DGKB: variants seen among roughly 807,000 people sequenced by gnomAD.
The protein encoded by DGKB is 90 kDa diacylglycerol kinase.
DGKB carries 67 observed loss-of-function variants against 114.3 expected under a neutral mutation model. The observed-to-expected ratio is 0.59, with a 90% confidence interval of 0.48 to 0.72. The LOEUF (loss-of-function observed/expected upper bound fraction) is 0.72. Ranked by LOEUF, DGKB falls within the 30% of genes least tolerant of loss-of-function variation. DGKB has a pLI of 0.00. For synonymous variants in DGKB, 398 were observed against 323.1 expected, an observed-to-expected ratio of 1.23 and a Z score of -2.49; for missense variants, 907 against 975.2, an observed-to-expected ratio of 0.93 and a Z score of 0.93.
At chr7:14,613,652 C>T (rs534050272) in intron 15 of DGKB, among the ~76,000 whole-genome samples, 33 of 151,392 alleles carry the variant, frequency 2.2e-4, no homozygotes, top group African/African-American at 8.0e-4. Flanking sequence ...AGATAGAGGG[C>T]CGAGGGGAAG....
intron 20 of DGKB, among the ~76,000 whole-genome samples, chr7:14,570,852 G>C (rs1286125592): frequency 6.6e-6 from 1 of 152,110 alleles, no homozygotes; most frequent in African/African-American, 2.4e-5. Context: ...AAGTTGACCA[G>C]TGCCGTTCAA....
chr7:14,168,766 TAAG>T (rs1780352648), intron 25 of DGKB, among the ~76,000 whole-genome samples: 2 of 152,340 alleles, frequency 1.3e-5, no homozygotes, highest in South Asian at 2.1e-4. Flanking sequence ...GGAATGCTGT[TAAG>T]AAGATATCAA....
At chr7:14,389,538 A>G (rs979227365) in intron 21 of DGKB, among the ~76,000 whole-genome samples, 2 of 152,182 alleles carry the variant, frequency 1.3e-5, no homozygotes, top group African/African-American at 2.4e-5. Flanking sequence ...GTCTTTCTCA[A>G]TAAGTATTTC....
intron 1 of DGKB, among the ~76,000 whole-genome samples, chr7:14,849,379 A>G (rs1248230650): frequency 6.6e-6 from 1 of 152,038 alleles, no homozygotes; most frequent in Admixed American, 6.6e-5. Flanking sequence ...TTTGAGGGGT[A>G]TTTAGGCCAG....
At chr7:14,197,577 G>A (rs534889532) in intron 23 of DGKB, among the ~76,000 whole-genome samples, 1 of 152,232 alleles carries the variant, frequency 6.6e-6, no homozygotes, top group South Asian at 2.1e-4. Context: ...TTTAAGATCA[G>A]TGGGGGTCAT....
chr7:14,792,889 A>G (rs1393578932), intron 2 of DGKB, among the ~76,000 whole-genome samples: 2 of 152,134 alleles, frequency 1.3e-5, no homozygotes, highest in African/African-American at 4.8e-5. Context: ...GCTACTTTTA[A>G]TTCATTGAAT....
At chr7:14,244,620 A>C (rs2128374270) in intron 23 of DGKB, among the ~76,000 whole-genome samples, 1 of 144,266 alleles carries the variant, frequency 6.9e-6, no homozygotes, top group East Asian at 2.3e-4. Flanking sequence ...CAGTGAGCTG[A>C]GATCACGCCA....
chr7:14,700,931 A>G (rs936865336), intron 7 of DGKB, among the ~76,000 whole-genome samples: 1 of 152,166 alleles, frequency 6.6e-6, no homozygotes, highest in Non-Finnish European at 1.5e-5. Flanking sequence ...AAAATATGTT[A>G]CCAAACATAA....
intron 13 of DGKB, among the ~76,000 whole-genome samples, chr7:14,648,462 CAGAA>C (rs1361975505): frequency 2.0e-5 from 3 of 152,068 alleles, no homozygotes; most frequent in Non-Finnish European, 4.4e-5. Flanking sequence ...AACTAACAAA[CAGAA>C]AGGACATCCA....
chr7:14,661,642 TG>T (rs1324852233), intron 13 of DGKB, among the ~76,000 whole-genome samples: 1 of 152,050 alleles, frequency 6.6e-6, no homozygotes, highest in Non-Finnish European at 1.5e-5. Flanking sequence ...TGGAAGTCAG[TG>T]TGGCGATTCC....
At chr7:14,493,794 G>A (rs1013310840) in intron 20 of DGKB, among the ~76,000 whole-genome samples, 2 of 151,944 alleles carry the variant, frequency 1.3e-5, no homozygotes, top group African/African-American at 2.4e-5. Flanking sequence ...AACTGAAACC[G>A]TGGAAAGCAC....
At chr7:14,709,319 G>A (rs1189603838) in intron 6 of DGKB, among the ~76,000 whole-genome samples, 1 of 145,392 alleles carries the variant, frequency 6.9e-6, no homozygotes. Context: ...GGAAACAACA[G>A]GTGCTGGAGA....
At chr7:14,319,379 A>G (rs1230160241) in intron 23 of DGKB, among the ~76,000 whole-genome samples, 1 of 152,204 alleles carries the variant, frequency 6.6e-6, no homozygotes, top group African/African-American at 2.4e-5. Flanking sequence ...GAGATTTATA[A>G]AAAGCAATAC....
rs566223325 is a variant in DGKB, at chr7:14,367,187, C to A, written c.1836-21796G>T. ...TACTGTGTTTCCAGATAATCTTGCC[C>A]AACTGTAGGCTAATGTAAGTGTTCT... On this transcript the variant is annotated intron_variant, in intron 21 of 25. Transcript: ENST00000402815. Among the ~76,000 whole-genome samples, 9 of 152,080 alleles carry A rather than the reference C, an allele frequency of 5.9e-5. No individual in the cohort carries two copies. In the South Asian group the frequency reaches 1.9e-3, roughly 32 times the overall value.
intron 21 of DGKB, among the ~76,000 whole-genome samples, chr7:14,371,890 C>G (rs548997117): frequency 1.3e-5 from 2 of 152,166 alleles, no homozygotes; most frequent in Admixed American, 1.3e-4. Context: ...GAGGCTCCTA[C>G]TTCACTCCAG....
At chr7:14,352,288 A>T (rs1324813246) in intron 21 of DGKB, among the ~76,000 whole-genome samples, 1 of 152,182 alleles carries the variant, frequency 6.6e-6, no homozygotes, top group Non-Finnish European at 1.5e-5. Flanking sequence ...GCACCCAAAG[A>T]TCAAATATTT....
intron 21 of DGKB, among the ~76,000 whole-genome samples, chr7:14,446,850 A>C (rs567299877): frequency 5.3e-5 from 8 of 152,180 alleles, no homozygotes; most frequent in African/African-American, 1.9e-4. Context: ...AGGCAGATAG[A>C]GAGGGAGAGT....
At chr7:14,592,780 G>A (rs1038460177) in intron 17 of DGKB, among the ~76,000 whole-genome samples, 1 of 151,292 alleles carries the variant, frequency 6.6e-6, no homozygotes, top group Non-Finnish European at 1.5e-5. Flanking sequence ...TGTGGGTTTC[G>A]ATGTTTTATC....
chr7:14,327,776 C>T (rs912068407), intron 23 of DGKB, among the ~76,000 whole-genome samples: 9 of 151,918 alleles, frequency 5.9e-5, no homozygotes, highest in South Asian at 4.1e-4. Context: ...ACAACAATAC[C>T]GAGGACATTT....
Sources: allele counts gnomAD v4.1 joint callset (sites outside exome capture counted in the v4.1 genomes callset), GRCh38; gene constraint gnomAD v4.1.1; transcripts MANE v1.5; gene names NCBI Gene and HGNC (gene_info 2026-07-23, HGNC 2026-07-21).